KCNMA1: variants seen among roughly 807,000 people sequenced by gnomAD.
KCNMA1 encodes the protein Calcium-activated potassium channel subunit alpha-1.
KCNMA1 carries 29 observed loss-of-function variants against 140.0 expected under a neutral mutation model. The observed-to-expected ratio is 0.21, with a 90% CI of 0.15 to 0.28. KCNMA1 has a LOEUF of 0.28. KCNMA1 is among the 10% of genes least tolerant of loss of function. The pLI, the probability that KCNMA1 is intolerant of heterozygous loss-of-function variation, is 1.00. For missense variants in KCNMA1, 880 were observed against 1,602.2 expected (o/e 0.55, Z 7.70); for synonymous variants, 612 against 611.9 (o/e 1.00, Z 0.00).
intron 1 of KCNMA1, among the ~76,000 whole-genome samples, chr10:77,410,209 G>A (rs1408469407): frequency 6.6e-6 from 1 of 152,182 alleles, no homozygotes; most frequent in African/African-American, 2.4e-5. Context: ...AGTCTCAGCA[G>A]GTGACCTGTC....
In KCNMA1 at chr10:76,885,737, G is replaced by A. The variant is rs200493344; in HGVS notation, c.*1529C>T. 96 of 985,160 alleles carry A rather than the reference G, an allele frequency of 9.7e-5. No homozygotes were observed. The highest frequency in any genetic ancestry group is 4.9e-4 in the Admixed American group (8 of 16,274). 61.0% of individuals were successfully genotyped at this position (985,160 alleles called of 1,614,324 possible). A position where few individuals can be genotyped will look rare whatever the true frequency, so the allele number is the denominator to read the frequency against. Reference sequence around the variant, plus strand: ...AATTGGCCAGTTTTTAAGAAATACCGCACTGCCTAAAGCATGATTTGCATG... The same window carrying A: ...AATTGGCCAGTTTTTAAGAAATACCACACTGCCTAAAGCATGATTTGCATG... On this transcript the variant is annotated 3_prime_UTR_variant, in exon 28 of 28. Transcript: ENST00000286628.
At chr10:77,348,776 G>A (rs1162631744) in intron 2 of KCNMA1, among the ~76,000 whole-genome samples, 2 of 152,156 alleles carry the variant, frequency 1.3e-5, no homozygotes, top group African/African-American at 4.8e-5. Flanking sequence ...ATTTCCCAAT[G>A]ACTCCTAGAA....
intron 1 of KCNMA1, 72 bp downstream of exon 1, chr10:77,637,193 G>T: frequency 7.2e-7 from 1 of 1,398,588 alleles, no homozygotes; most frequent in South Asian, 1.3e-5. Flanking sequence ...GCGGAGCGAG[G>T]AGGTGGGCTG....
intron 2 of KCNMA1, among the ~76,000 whole-genome samples, chr10:77,274,112 A>G (rs559655660): frequency 6.6e-6 from 1 of 152,242 alleles, no homozygotes; most frequent in South Asian, 2.1e-4. Context: ...GCCACTGTTT[A>G]CCATGGGGAT....
chr10:77,387,446 T>C (rs1222090873), intron 2 of KCNMA1, among the ~76,000 whole-genome samples: 1 of 152,112 alleles, frequency 6.6e-6, no homozygotes, highest in Non-Finnish European at 1.5e-5. Context: ...CTAGAACAGG[T>C]AGCTAAGGCA....
chr10:77,535,968 T>G (rs2154553870), intron 1 of KCNMA1, among the ~76,000 whole-genome samples: 1 of 152,322 alleles, frequency 6.6e-6, no homozygotes, highest in South Asian at 2.1e-4. Flanking sequence ...GATCTAGTGT[T>G]CAGTAGCACA....
intron 2 of KCNMA1, among the ~76,000 whole-genome samples, chr10:77,311,153 A>T (rs1295777342): frequency 6.6e-6 from 1 of 152,224 alleles, no homozygotes; most frequent in African/African-American, 2.4e-5. Flanking sequence ...AAATTGGTTT[A>T]AAAAAGCAAG....
At chr10:77,511,970 C>T (rs2048564650) in intron 1 of KCNMA1, among the ~76,000 whole-genome samples, 1 of 152,194 alleles carries the variant, frequency 6.6e-6, no homozygotes, top group African/African-American at 2.4e-5. Context: ...TTGATAATGC[C>T]AAGGCAGCAG....
intron 17 of KCNMA1, among the ~76,000 whole-genome samples, chr10:77,016,239 C>T (rs1161486809): frequency 6.6e-6 from 1 of 152,098 alleles, no homozygotes; most frequent in African/African-American, 2.4e-5. Context: ...TGCTCAAATA[C>T]CAACCCCTCT....
intron 1 of KCNMA1, among the ~76,000 whole-genome samples, chr10:77,517,283 C>T (rs996395637): frequency 3.3e-5 from 5 of 152,124 alleles, no homozygotes; most frequent in Non-Finnish European, 4.4e-5. Context: ...GGGCCAGAGG[C>T]AATTCCACAG....
intron 1 of KCNMA1, among the ~76,000 whole-genome samples, chr10:77,542,917 T>A (rs1436808835): frequency 6.6e-6 from 1 of 152,216 alleles, no homozygotes; most frequent in Non-Finnish European, 1.5e-5. Flanking sequence ...CATTTCTTCC[T>A]CTTTTCTGAC....
At chr10:77,379,264 C>T (rs2095296465) in intron 2 of KCNMA1, among the ~76,000 whole-genome samples, 1 of 152,060 alleles carries the variant, frequency 6.6e-6, no homozygotes, top group African/African-American at 2.4e-5. Context: ...TTTTCTAATA[C>T]AAATAAAGTA....
intron 20 of KCNMA1, 83 bp downstream of exon 20, chr10:76,969,890 TG>T: frequency 9.1e-7 from 1 of 1,096,458 alleles, no homozygotes; most frequent in Non-Finnish European, 1.4e-6. Flanking sequence ...GGGGAGACTC[TG>T]GGCCTGGCAG....
chr10:77,231,778 T>A (rs1460107852), intron 3 of KCNMA1, among the ~76,000 whole-genome samples: 1 of 152,214 alleles, frequency 6.6e-6, no homozygotes, highest in African/African-American at 2.4e-5. Context: ...TTCCCTGAAC[T>A]CTATTCTCCA....
At chr10:76,988,226 G>A (rs980652464) in intron 19 of KCNMA1, among the ~76,000 whole-genome samples, 2 of 152,162 alleles carry the variant, frequency 1.3e-5, no homozygotes, top group African/African-American at 2.4e-5. Context: ...TAGTGGTAAG[G>A]CATGGGTGAA....
At chr10:77,496,100 G>C (rs1330650775) in intron 1 of KCNMA1, among the ~76,000 whole-genome samples, 2 of 152,130 alleles carry the variant, frequency 1.3e-5, no homozygotes, top group Non-Finnish European at 2.9e-5. Flanking sequence ...CTTCTCCAGA[G>C]CCCCTGAAGC....
intron 19 of KCNMA1, chr10:76,974,300 T>G (rs2153198499): frequency 2.5e-5 from 13 of 513,692 alleles, no homozygotes; most frequent in East Asian, 3.3e-5. Flanking sequence ...GTGAGGTCGT[T>G]TTAATTATTA....
intron 2 of KCNMA1, among the ~76,000 whole-genome samples, chr10:77,359,383 C>A (rs1002826782): frequency 1.3e-5 from 2 of 152,110 alleles, no homozygotes; most frequent in Non-Finnish European, 2.9e-5. Flanking sequence ...TGGCATCTGT[C>A]GGGCTCAGTG....
chr10:77,287,545 C>G (rs1326492481), intron 2 of KCNMA1, among the ~76,000 whole-genome samples: 1 of 152,206 alleles, frequency 6.6e-6, no homozygotes, highest in Non-Finnish European at 1.5e-5. Flanking sequence ...TGGGAATTAC[C>G]TGGTTTGTGA....
Sources: gnomAD v4.1 joint callset for allele counts (sites outside exome capture counted in the v4.1 genomes callset) on GRCh38, gnomAD v4.1.1 for gene constraint, MANE v1.5 for transcripts, NCBI Gene and HGNC (gene_info 2026-07-23, HGNC 2026-07-21) for gene names.